The following TLX3 variants were observed in gnomAD, a reference collection of about 807,000 sequenced individuals.
TLX3 encodes T cell leukemia homeobox 3.
Under a neutral mutation model 19.6 loss-of-function variants are expected in TLX3, and 11 were observed. The observed-to-expected ratio is 0.56, with a 90% CI of 0.35 to 0.93. The LOEUF is 0.93. TLX3 is among the 40% of genes least tolerant of loss of function. The pLI is 0.01. For missense variants in TLX3, 375 were observed against 418.6 expected (o/e 0.90, Z 0.91); for synonymous variants, 221 against 188.1 (o/e 1.17, Z -1.43).
In TLX3 at chr5:171,311,606, C is replaced by A; in HGVS notation, c.*7C>A. ...TGTCACCTCCCTGGTGTGAGCCCACCAGCGCGCACCGTCGCCACGGATCGC... is the reference window on the plus strand; with the variant it reads ...TGTCACCTCCCTGGTGTGAGCCCACAAGCGCGCACCGTCGCCACGGATCGC... On this transcript the variant is annotated 3_prime_UTR_variant, in exon 3 of 3. Transcript: ENST00000296921. The surrounding 1 kb of genome is among the most constrained non-coding windows in gnomAD (Gnocchi z 5.1). 6.3e-7 allele frequency: 1 copy of A among 1,595,136 alleles called. No homozygotes were observed. Among genetic ancestry groups the A allele is most frequent in the South Asian group, 1.1e-5 (1 of 88,990 alleles).
chr5:171,309,306 C>A lies in TLX3; in HGVS notation c.-60C>A. 7.2e-7 allele frequency: 1 copy of A among 1,397,068 alleles called. No individual in the cohort carries two copies. The highest frequency in any genetic ancestry group is 1.5e-5 in the South Asian group (1 of 68,196). 86.5% of individuals were successfully genotyped at this position (1,397,068 alleles called of 1,614,324 possible). On this transcript the variant is annotated 5_prime_UTR_variant, in exon 1 of 3. Coordinates refer to ENST00000296921, the MANE Select transcript of TLX3 (RefSeq NM_021025.4). ...GGCGCCGGGCGCTCCATGGCCGCGCCGTAACGGGGACCCAGCCGCCTCCCC... is the reference window on the plus strand; with the variant it reads ...GGCGCCGGGCGCTCCATGGCCGCGCAGTAACGGGGACCCAGCCGCCTCCCC...
In TLX3 at chr5:171,311,972, C is replaced by T. The variant is rs943454360; in HGVS notation, c.*373C>T. 3 of 196,642 alleles carry T rather than the reference C, an allele frequency of 1.5e-5. No homozygotes were observed. Among genetic ancestry groups the T allele is most frequent in the East Asian group, 7.7e-5 (1 of 12,922 alleles). 12.2% of individuals were successfully genotyped at this position (196,642 alleles called of 1,614,324 possible). A position where few individuals can be genotyped will look rare whatever the true frequency, so the allele number is the denominator to read the frequency against. ...GGCTTTTTTCTTTAGAAACCGGCCA[C>T]CTGCTTCCCCCGCGGGGGCCGCTGG... On this transcript the variant is annotated 3_prime_UTR_variant, in exon 3 of 3. Transcript: ENST00000296921. This position sits in a 1 kb window ranked among gnomAD's most constrained non-coding sequence, Gnocchi z 5.1.
chr5:171,311,965 C>G lies in TLX3; in HGVS notation c.*366C>G, dbSNP rs763987556. Reference sequence around the variant, plus strand: ...AAGTTTTGGCTTTTTTCTTTAGAAACCGGCCACCTGCTTCCCCCGCGGGGG... The same window carrying G: ...AAGTTTTGGCTTTTTTCTTTAGAAAGCGGCCACCTGCTTCCCCCGCGGGGG... On this transcript the variant is annotated 3_prime_UTR_variant, in exon 3 of 3. Coordinates refer to ENST00000296921, the MANE Select transcript of TLX3 (RefSeq NM_021025.4). The surrounding 1 kb of genome is among the most constrained non-coding windows in gnomAD (Gnocchi z 5.1). 2.5e-5 allele frequency: 5 copies of G among 198,342 alleles called. No homozygotes were observed. Among genetic ancestry groups the G allele is most frequent in the African/African-American group, 6.9e-5 (3 of 43,258 alleles). The allele number at this position is 198,342 out of a possible 1,614,324, so 12.3% of individuals were successfully genotyped here.
rs754381757 is a variant in TLX3 at position 171,309,479 on chromosome 5, C to A, written c.114C>A (p.Pro38=). Residue 38 remains proline (P), a synonymous_variant, in exon 1 of 3, where the codon CCC becomes CCA. Coordinates refer to ENST00000296921, the MANE Select transcript of TLX3 (RefSeq NM_021025.4). ...ACAGCGCACCCGCCCCGCGGGGCCC[C>A]GACGGCGCCAGCTACCTGGGAGGGC... ...DQDSAPAPRG[P]DGASYLGGPP... is the part of the protein sequence containing the mutation. 31 of 1,591,150 alleles carry A rather than the reference C, an allele frequency of 1.9e-5. No homozygotes were observed. The highest frequency in any genetic ancestry group is 2.6e-5 in the Non-Finnish European group (31 of 1,170,322).
rs1321683901 is a variant in TLX3 at position 171,310,130 on chromosome 5, G to C, written c.422-20G>C. 2 of 1,547,208 alleles carry C rather than the reference G, an allele frequency of 1.3e-6. No homozygotes were observed. Among genetic ancestry groups the C allele is most frequent in the East Asian group, 4.9e-5 (2 of 40,850 alleles). ...GGCGGAGCCGGGCTGGGCTTCAGGGGCCCTCCTGTGTCTCCGCAGCGGCGG... is the reference window on the plus strand; with the variant it reads ...GGCGGAGCCGGGCTGGGCTTCAGGGCCCCTCCTGTGTCTCCGCAGCGGCGG... On this transcript the variant is annotated intron_variant, in intron 1 of 2. Transcript: ENST00000296921.
intron 1 of TLX3, 79 bp downstream of exon 1, chr5:171,309,865 C>G (rs1385164495): frequency 1.2e-5 from 17 of 1,459,190 alleles, no homozygotes; most frequent in Non-Finnish European, 1.5e-5. Flanking sequence ...GCTCCACTCC[C>G]GGAAACCATT....
At chr5:171,310,761 C>T (rs1769207274) in intron 2 of TLX3, among the ~76,000 whole-genome samples, 1 of 147,778 alleles carries the variant, frequency 6.8e-6, no homozygotes, top group Non-Finnish European at 1.5e-5. Context: ...CACGCGCACA[C>T]ACACGGGCCT....
intron 2 of TLX3, 130 bp downstream of exon 2, chr5:171,310,523 C>A (rs1050105164): frequency 1.1e-5 from 13 of 1,139,972 alleles, no homozygotes; most frequent in Non-Finnish European, 1.3e-5. Flanking sequence ...CCCAAACACA[C>A]CCCCACCCCG....
chr5:171,309,542 G>A lies in TLX3; in HGVS notation c.177G>A (p.Leu59=). 3 of 1,574,922 alleles carry A rather than the reference G, an allele frequency of 1.9e-6. No homozygotes were observed. Among genetic ancestry groups the A allele is most frequent in the Non-Finnish European group, 2.6e-6 (3 of 1,161,814 alleles). ...GGRPGATYPS[L]PASFAGLGAP... Reference sequence around the variant, plus strand: ...GTCCGGGCGCCACATACCCGTCTCTGCCCGCCTCCTTTGCGGGCCTCGGCG... The same window carrying A: ...GTCCGGGCGCCACATACCCGTCTCTACCCGCCTCCTTTGCGGGCCTCGGCG... The change falls in exon 1 of 3, where the codon CTG becomes CTA. Residue 59 remains leucine (L), a synonymous_variant. Coordinates refer to ENST00000296921, the MANE Select transcript of TLX3 (RefSeq NM_021025.4).
At chr5:171,310,433 T>C in intron 2 of TLX3, 40 bp downstream of exon 2, 8 of 1,598,658 alleles carry the variant, frequency 5.0e-6, no homozygotes, top group Non-Finnish European at 6.8e-6. Context: ...CACCTGCCCT[T>C]CACCTGTCCC....
chr5:171,310,541 A>G (rs1297797959), intron 2 of TLX3, 148 bp downstream of exon 2: 56 of 932,192 alleles, frequency 6.0e-5, no homozygotes, highest in Non-Finnish European at 7.7e-5. Context: ...CCGCCTTCGC[A>G]GATTGTACCT....
intron 2 of TLX3, among the ~76,000 whole-genome samples, 180 bp downstream of exon 2, chr5:171,310,573 G>A (rs1769203330): frequency 7.1e-6 from 1 of 140,630 alleles, no homozygotes; most frequent in Non-Finnish European, 1.5e-5. Flanking sequence ...CCTTCTCGCT[G>A]GCCTGTGCTT....
In TLX3 at chr5:171,309,655, C is replaced by T; in HGVS notation, c.290C>T (p.Pro97Leu). Residue 97 changes from proline (P) to leucine (L), a missense_variant, in exon 1 of 3, where the codon CCC becomes CTC. Physicochemically the swap from Pro to Leu is moderately conservative, Grantham distance 98. Coordinates refer to ENST00000296921, the MANE Select transcript of TLX3 (RefSeq NM_021025.4). Reference sequence around the variant, plus strand: ...CGGGTGCCGGCGCACAGGCCGCTGCCCGGGGCCGTGCCACCGCCTCTGCCA... The same window carrying T: ...CGGGTGCCGGCGCACAGGCCGCTGCTCGGGGCCGTGCCACCGCCTCTGCCA... ...VIRVPAHRPL[P>L]GAVPPPLPSA... 4 of 1,608,432 alleles carry T rather than the reference C, an allele frequency of 2.5e-6. No homozygotes were observed. The highest frequency in any genetic ancestry group is 2.5e-6 in the Non-Finnish European group (3 of 1,178,372).
rs769979847 is a variant in TLX3 at position 171,309,708 on chromosome 5, C to T, written c.343C>T (p.Pro115Ser). 12 of 1,611,328 alleles carry T rather than the reference C, an allele frequency of 7.4e-6. No homozygotes were observed. The highest frequency in any genetic ancestry group is 1.0e-5 in the Non-Finnish European group (12 of 1,179,392). ...PSALPAMPSV[P>S]TVSSLGGLNF... Reference sequence around the variant, plus strand: ...CGCGCTACCCGCCATGCCCTCCGTGCCCACGGTCTCCAGCCTTGGCGGTCT... The same window carrying T: ...CGCGCTACCCGCCATGCCCTCCGTGTCCACGGTCTCCAGCCTTGGCGGTCT... Residue 115 changes from proline to serine, a missense_variant, in exon 1 of 3, where the codon CCC (proline) becomes TCC (serine). Around this residue, in one of 3 missense-constraint regions of TLX3, gnomAD observed 239 missense variants for 217.0 expected, o/e 1.10. Coordinates refer to ENST00000296921, the MANE Select transcript of TLX3 (RefSeq NM_021025.4).
In TLX3 at chr5:171,312,122, G is replaced by A. The variant is rs1194426454; in HGVS notation, c.*523G>A. 5.7e-6 allele frequency: 1 copy of A among 176,828 alleles called. No individual in the cohort carries two copies. Among genetic ancestry groups the A allele is most frequent in the African/African-American group, 2.4e-5 (1 of 42,198 alleles). The allele number at this position is 176,828 out of a possible 1,614,324, so 11.0% of individuals were successfully genotyped here. A position where few individuals can be genotyped will look rare whatever the true frequency, so the allele number is the denominator to read the frequency against. ...TTAAGTCTTTTTATTTAATAAAAAA[G>A]TTAGCTATTTCACTTAACGCCGCTT... On this transcript the variant is annotated 3_prime_UTR_variant, in exon 3 of 3. Transcript: ENST00000296921.
chr5:171,311,298 G>A lies in TLX3; in HGVS notation c.666-91G>A. On this transcript the variant is annotated intron_variant, in intron 2 of 2. Transcript: ENST00000296921. The surrounding 1 kb of genome is among the most constrained non-coding windows in gnomAD (Gnocchi z 5.1). ...GTTCTGCGCCTCGAGGCTCCCGGAT[G>A]GCCTCGGCTCCCGGGAGGGCCGGGG... The A allele has an allele frequency of 8.6e-7, 1 of 1,162,746 alleles. No homozygotes were observed. The highest frequency in any genetic ancestry group is 1.2e-6 in the Non-Finnish European group (1 of 839,684). The allele number at this position is 1,162,746 out of a possible 1,614,324, so 72.0% of individuals were successfully genotyped here.
chr5:171,311,089 C>A lies in TLX3; in HGVS notation c.666-300C>A, dbSNP rs774007272. Among the ~76,000 whole-genome samples the A allele has an allele frequency of 2.6e-5, 4 of 152,164 alleles. No individual in the cohort carries two copies. The highest frequency in any genetic ancestry group is 5.9e-5 in the Non-Finnish European group (4 of 68,028). ...AAGTCAGTTACACATAGGCCCTGCCCTTGCTATCTGGCGAAAGGAACAATC... is the reference window on the plus strand; with the variant it reads ...AAGTCAGTTACACATAGGCCCTGCCATTGCTATCTGGCGAAAGGAACAATC... On this transcript the variant is annotated intron_variant, in intron 2 of 2. Transcript: ENST00000296921. The surrounding 1 kb of genome is among the most constrained non-coding windows in gnomAD (Gnocchi z 5.1).
At position 171,311,846 on chromosome 5, in the gene TLX3, A is replaced by C; in HGVS notation, c.*247A>C. 3 of 335,314 alleles carry C rather than the reference A, an allele frequency of 8.9e-6. No homozygotes were observed. The highest frequency in any genetic ancestry group is 1.3e-4 in the South Asian group (1 of 7,536). 20.8% of individuals were successfully genotyped at this position (335,314 alleles called of 1,614,324 possible). A position where few individuals can be genotyped will look rare whatever the true frequency, so the allele number is the denominator to read the frequency against. ...GCCCCAGGCCCGGGCCTGACAAGAA[A>C]GCGCCTTACGTTTCTCCGCCCCCCG... On this transcript the variant is annotated 3_prime_UTR_variant, in exon 3 of 3. Transcript: ENST00000296921. This position sits in a 1 kb window ranked among gnomAD's most constrained non-coding sequence, Gnocchi z 5.1.
In TLX3 at chr5:171,309,327, TC is replaced by T. The variant is rs767235722; in HGVS notation, c.-35del. 1.0e-6 allele frequency: 1 copy of T among 976,972 alleles called. No individual in the cohort carries two copies. Among genetic ancestry groups the T allele is most frequent in the Non-Finnish European group, 1.5e-6 (1 of 668,410 alleles). 60.5% of individuals were successfully genotyped at this position (976,972 alleles called of 1,614,324 possible). A position where few individuals can be genotyped will look rare whatever the true frequency, so the allele number is the denominator to read the frequency against. On this transcript the variant is annotated 5_prime_UTR_variant, in exon 1 of 3. Coordinates refer to ENST00000296921, the MANE Select transcript of TLX3 (RefSeq NM_021025.4). Reference sequence around the variant, plus strand: ...GCGCCGTAACGGGGACCCAGCCGCCTCCCCGCCCAGCCCAGCCCAGCCCTTC... The same window carrying T: ...GCGCCGTAACGGGGACCCAGCCGCCTCCCGCCCAGCCCAGCCCAGCCCTTC...
Sources: allele counts gnomAD v4.1 joint callset (sites outside exome capture counted in the v4.1 genomes callset), GRCh38; gene constraint gnomAD v4.1.1; regional missense constraint gnomAD v4.1.1; non-coding constraint Gnocchi (gnomAD v3.1); transcripts MANE v1.5; gene names NCBI Gene and HGNC (gene_info 2026-07-23, HGNC 2026-07-21).